The following F13B variants were observed in gnomAD, a reference collection of about 807,000 sequenced individuals.
F13B encodes the protein coagulation factor XIII B chain.
F13B carries 58 observed loss-of-function variants against 79.8 expected under a neutral mutation model. That is an observed-to-expected ratio of 0.73 (90% confidence interval 0.59 to 0.90). F13B has a LOEUF of 0.90. Ranked by LOEUF, F13B falls within the 40% of genes least tolerant of loss-of-function variation. The pLI is 0.00. For missense variants in F13B, 773 were observed against 777.0 expected (o/e 0.99, Z 0.06); for synonymous variants, 283 against 260.3 (o/e 1.09, Z -0.84).
At chr1:197,055,595 G>A in intron 8 of F13B, 120 bp downstream of exon 8, 15 of 1,055,476 alleles carry the variant, frequency 1.4e-5, no homozygotes, top group Non-Finnish European at 2.1e-5. Flanking sequence ...TTAAAGAAAT[G>A]AGAGAGAAAA....
chr1:197,045,196 T>A (rs1655184577), intron 10 of F13B, among the ~76,000 whole-genome samples: 1 of 151,638 alleles, frequency 6.6e-6, no homozygotes, highest in South Asian at 2.1e-4. Flanking sequence ...AAAAAATCCC[T>A]TCAAAAAAAT....
At chr1:197,066,020 C>G (rs1656037210) in intron 1 of F13B, among the ~76,000 whole-genome samples, 1 of 151,594 alleles carries the variant, frequency 6.6e-6, no homozygotes, top group African/African-American at 2.4e-5. Flanking sequence ...TGTAAAATAG[C>G]ATTATAACCT....
At chr1:197,059,523 A>G (rs1291634119) in intron 5 of F13B, among the ~76,000 whole-genome samples, 1 of 152,096 alleles carries the variant, frequency 6.6e-6, no homozygotes, top group African/African-American at 2.4e-5. Flanking sequence ...AAAATAAAAA[A>G]TGACTATCAA....
intron 5 of F13B, 74 bp from the exon 6 acceptor site, chr1:197,057,539 A>G (rs1258347696): frequency 6.9e-7 from 1 of 1,443,488 alleles, no homozygotes; most frequent in African/African-American, 1.4e-5. Flanking sequence ...TAAAATATTC[A>G]TCATGTCAAG....
chr1:197,055,825 T>G lies in F13B; in HGVS notation c.1244A>C (p.Tyr415Ser), dbSNP rs761145143. 31 of 1,613,514 alleles carry G rather than the reference T, an allele frequency of 1.9e-5. No homozygotes were observed. The South Asian group carries it at 3.3e-4, about 17-fold the overall frequency. The change falls in exon 8 of 12, where the codon TAT becomes TCT. Residue 415 changes from tyrosine (Y) to serine (S), a missense_variant. By Grantham distance (144) the Tyr-to-Ser change is moderately radical. Coordinates refer to ENST00000367412, the MANE Select transcript of F13B (RefSeq NM_001994.3). ...ATATTCCACTGAGGATCCTGTTGCA[T>G]AGCTTGCCAATATCCCGTCTGCAAC... ...GAVADGILASYATGSSVEYRC... is the reference protein window; with the variant it reads ...GAVADGILASSATGSSVEYRC...
intron 1 of F13B, among the ~76,000 whole-genome samples, chr1:197,065,549 T>C (rs1656018009): frequency 1.3e-5 from 2 of 152,148 alleles, no homozygotes; most frequent in Admixed American, 1.3e-4. Context: ...TTGGTGAGAA[T>C]GATGAGGAGC....
chr1:197,051,347 A>G, intron 9 of F13B, among the ~76,000 whole-genome samples: 1 of 152,168 alleles, frequency 6.6e-6, no homozygotes, highest in East Asian at 1.9e-4. Flanking sequence ...AAACTATGAG[A>G]GTATTAACAA....
At chr1:197,045,971 A>G (rs1336286076) in intron 10 of F13B, among the ~76,000 whole-genome samples, 1 of 152,214 alleles carries the variant, frequency 6.6e-6, no homozygotes. Flanking sequence ...ACAGCCCTTC[A>G]TGCTAAAAAC....
At chr1:197,066,132 A>G (rs531268182) in intron 1 of F13B, among the ~76,000 whole-genome samples, 1 of 152,288 alleles carries the variant, frequency 6.6e-6, no homozygotes, top group African/African-American at 2.4e-5. Context: ...AGAAAAATAA[A>G]ATCAAAAGAA....
In F13B at chr1:197,038,958, T is replaced by G. The variant is rs1045238946; in HGVS notation, c.*420A>C. ...CTAATACAGCATATAGTTTCTTATC[T>G]CTAGTGTGTTTGGCCCTTTAATAGT... is the stretch of plus-strand genomic sequence containing the variant. On this transcript the variant is annotated 3_prime_UTR_variant, in exon 12 of 12. Coordinates refer to ENST00000367412, the MANE Select transcript of F13B (RefSeq NM_001994.3). 6.6e-6 allele frequency among the ~76,000 whole-genome samples: 1 copy of G among 152,070 alleles called. No homozygotes were observed. The highest frequency in any genetic ancestry group is 1.5e-5 in the Non-Finnish European group (1 of 67,992).
chr1:197,045,397 C>A (rs1571552432), intron 10 of F13B, among the ~76,000 whole-genome samples: 2 of 152,124 alleles, frequency 1.3e-5, no homozygotes, highest in African/African-American at 4.8e-5. Context: ...TGCAAATAAA[C>A]TAGAAAATCT....
intron 10 of F13B, among the ~76,000 whole-genome samples, chr1:197,048,121 A>G (rs2125059929): frequency 6.6e-6 from 1 of 151,404 alleles, no homozygotes; most frequent in East Asian, 1.9e-4. Context: ...TGTACCCTAG[A>G]ACTTAAAATA....
At chr1:197,056,897 G>C in intron 7 of F13B, 116 bp downstream of exon 7, 1 of 961,170 alleles carries the variant, frequency 1.0e-6, no homozygotes, top group Non-Finnish European at 1.6e-6. Flanking sequence ...CTGTAGCAAT[G>C]TGTTTCTAAT....
rs1655677668 is a variant in F13B at position 197,057,211 on chromosome 1, A to G, written c.986-13T>C. 1 of 1,613,792 alleles carries G rather than the reference A, an allele frequency of 6.2e-7. No homozygotes were observed. Among genetic ancestry groups the G allele is most frequent in the Non-Finnish European group, 8.5e-7 (1 of 1,179,916 alleles). On this transcript the variant is annotated splice_polypyrimidine_tract_variant and intron_variant, in intron 6 of 11. Transcript: ENST00000367412. ...TTCTCCTGTCCTTCTGAAAAGGTAC[A>G]GTTGAAAGAGAACTGACCATTTAGC...
intron 9 of F13B, among the ~76,000 whole-genome samples, chr1:197,051,864 G>T (rs1360733740): frequency 6.6e-6 from 1 of 152,036 alleles, no homozygotes; most frequent in Non-Finnish European, 1.5e-5. Flanking sequence ...CTTTTTGATG[G>T]TGTTGTTCGT....
chr1:197,062,887 C>CTGT lies in F13B; in HGVS notation c.232_234dup (p.Thr78dup). On this transcript the variant is annotated inframe_insertion, in exon 2 of 12. Coordinates refer to ENST00000367412, the MANE Select transcript of F13B (RefSeq NM_001994.3). The stretch of plus-strand genomic sequence containing the variant: ...CACCTTGGCTCTGGAGACCAGCCTT[C>CTGT]TGTTGTACACGTGGTTTGCTCTTCT... 6.2e-7 allele frequency: 1 copy of CTGT among 1,613,864 alleles called. No homozygotes were observed. The highest frequency in any genetic ancestry group is 8.5e-7 in the Non-Finnish European group (1 of 1,179,800).
At position 197,039,286 on chromosome 1, in the gene F13B, C is replaced by G; in HGVS notation, c.*92G>C. The G allele has an allele frequency of 1.8e-6, 2 of 1,101,504 alleles. No homozygotes were observed. The highest frequency in any genetic ancestry group is 1.4e-6 in the Non-Finnish European group (1 of 733,744). 68.2% of individuals were successfully genotyped at this position (1,101,504 alleles called of 1,614,324 possible). ...ATTCAAATATTTAAGCAAGGAAAAA[C>G]TCCGAAGTTTTTAACTTATTTCCTC... On this transcript the variant is annotated 3_prime_UTR_variant, in exon 12 of 12. Transcript: ENST00000367412.
In F13B at chr1:197,040,597, T is replaced by C. The variant is rs201438197; in HGVS notation, c.1877A>G (p.Tyr626Cys). The C allele has an allele frequency of 7.4e-6, 12 of 1,612,992 alleles. No individual in the cohort carries two copies. Among genetic ancestry groups the C allele is most frequent in the Non-Finnish European group, 1.0e-5 (12 of 1,179,334 alleles). ...CRGDTYPAEL[Y>C]ITGSILRMQC... ...CATTCTAAGTATAGATCCAGTAATA[T>C]ATAATTCAGCTGGATAAGTATCTCC... Residue 626 changes from tyrosine (Y) to cysteine (C), a missense_variant, in exon 11 of 12, where the codon TAT (tyrosine) becomes TGT (cysteine). Tyr to Cys is a radical substitution (Grantham distance 194). Coordinates refer to ENST00000367412, the MANE Select transcript of F13B (RefSeq NM_001994.3).
chr1:197,050,934 C>G, intron 9 of F13B, 55 bp from the exon 10 acceptor site: 3 of 1,434,552 alleles, frequency 2.1e-6, no homozygotes, highest in Non-Finnish European at 2.9e-6. Context: ...ACATCCAGTA[C>G]TTTATAAGTG....
Sources: gnomAD v4.1 joint callset for allele counts (sites outside exome capture counted in the v4.1 genomes callset) on GRCh38, gnomAD v4.1.1 for gene constraint, MANE v1.5 for transcripts, NCBI Gene and HGNC (gene_info 2026-07-23, HGNC 2026-07-21) for gene names.